The following ARHGAP22 variants were observed in gnomAD, a reference collection of about 807,000 sequenced individuals.
The protein encoded by ARHGAP22 is Rho GTPase activating protein 22.
A neutral mutation model predicts 59.1 loss-of-function variants in ARHGAP22; 48 were observed. That is an observed-to-expected ratio of 0.81 (90% CI 0.64 to 1.03). The LOEUF is 1.03. Ranked by LOEUF, ARHGAP22 falls within the 50% of genes least tolerant of loss-of-function variation. ARHGAP22 has a pLI of 0.00. For synonymous variants in ARHGAP22, 445 were observed against 416.4 expected (o/e 1.07, Z -0.84); for missense variants, 1,015 against 958.7 (o/e 1.06, Z -0.78).
chr10:48,589,212 T>G (rs1340549958), intron 1 of ARHGAP22, among the ~76,000 whole-genome samples: 3 of 152,150 alleles, frequency 2.0e-5, no homozygotes, highest in Non-Finnish European at 4.4e-5. Flanking sequence ...GGTCTCATCC[T>G]CCGATGCCCT....
intron 2 of ARHGAP22, among the ~76,000 whole-genome samples, chr10:48,578,711 T>C (rs1169634837): frequency 5.9e-5 from 9 of 151,760 alleles, no homozygotes; most frequent in Admixed American, 4.6e-4. Context: ...AGAGAAACAA[T>C]GAGTGTTCTT....
chr10:48,633,415 A>G (rs1357868577), intron 1 of ARHGAP22, among the ~76,000 whole-genome samples: 1 of 152,244 alleles, frequency 6.6e-6, no homozygotes, highest in East Asian at 1.9e-4. Flanking sequence ...AACAATTCTC[A>G]GCCAGAGATT....
chr10:48,446,870 C>T (rs947409794), intron 9 of ARHGAP22, among the ~76,000 whole-genome samples: 8 of 152,246 alleles, frequency 5.3e-5, no homozygotes, highest in African/African-American at 4.8e-5. Flanking sequence ...TCCATGCCTT[C>T]GGTGCCTCCC....
intron 3 of ARHGAP22, chr10:48,524,352 CT>C: frequency 6.5e-6 from 1 of 153,682 alleles, no homozygotes; most frequent in Non-Finnish European, 1.4e-5. Context: ...CCACTGCCCG[CT>C]TTTATCTCCG....
intron 2 of ARHGAP22, among the ~76,000 whole-genome samples, chr10:48,576,441 A>G (rs1458897749): frequency 6.6e-6 from 1 of 152,238 alleles, no homozygotes; most frequent in Non-Finnish European, 1.5e-5. Context: ...ACTTTAAAAT[A>G]TGGACTTACA....
intron 1 of ARHGAP22, chr10:48,623,993 T>G (rs1230440107): frequency 1.3e-5 from 2 of 152,282 alleles, no homozygotes; most frequent in African/African-American, 4.8e-5. Flanking sequence ...AATCAGCCTC[T>G]GCAGTCACAC....
intron 3 of ARHGAP22, among the ~76,000 whole-genome samples, chr10:48,535,874 C>G (rs1233086503): frequency 6.6e-6 from 1 of 152,166 alleles, no homozygotes; most frequent in Admixed American, 6.5e-5. Context: ...TGGCAAATGC[C>G]CGACACCCTT....
At chr10:48,460,876 A>G (rs1390591317) in intron 4 of ARHGAP22, among the ~76,000 whole-genome samples, 1 of 152,266 alleles carries the variant, frequency 6.6e-6, no homozygotes, top group Non-Finnish European at 1.5e-5. Context: ...GAAGTAAATC[A>G]TTCACAAAAG....
intron 1 of ARHGAP22, among the ~76,000 whole-genome samples, chr10:48,620,699 G>A (rs764153120): frequency 2.0e-5 from 3 of 152,184 alleles, no homozygotes; most frequent in Non-Finnish European, 4.4e-5. Flanking sequence ...TAGGCTGTGG[G>A]TGGAGAGAGG....
At chr10:48,520,237 T>C (rs1377919036) in intron 3 of ARHGAP22, among the ~76,000 whole-genome samples, 2 of 152,028 alleles carry the variant, frequency 1.3e-5, no homozygotes, top group African/African-American at 2.4e-5. Context: ...TTAGAGGCAA[T>C]CACAGTCATC....
chr10:48,446,483 T>C lies in ARHGAP22; in HGVS notation c.2005A>G (p.Arg669Gly). Residue 669 changes from arginine to glycine, a missense_variant, in exon 10 of 10, where the codon AGG (arginine) becomes GGG (glycine). Coordinates refer to ENST00000249601, the MANE Select transcript of ARHGAP22 (RefSeq NM_021226.4). Reference sequence around the variant, plus strand: ...ATTTCCCTCTGCAACAGCTGGTTCCTCCTCTCCGCATCCTCCCGCGCCCGT... The same window carrying C: ...ATTTCCCTCTGCAACAGCTGGTTCCCCCTCTCCGCATCCTCCCGCGCCCGT... ...SERAREDAER[R>G]NQLLQREMEE... The C allele has an allele frequency of 6.2e-7, 1 of 1,614,236 alleles. No individual in the cohort carries two copies. Among genetic ancestry groups the C allele is most frequent in the Non-Finnish European group, 8.5e-7 (1 of 1,180,042 alleles).
In ARHGAP22 at chr10:48,616,802, T is replaced by C. The variant is rs114688861; in HGVS notation, c.53-33650A>G. Among the ~76,000 whole-genome samples, 1,272 of 152,226 alleles carry C rather than the reference T, an allele frequency of 8.4e-3. 20 individuals carry two copies. The highest frequency in any genetic ancestry group is 0.029 in the African/African-American group (1,212 of 41,574). On this transcript the variant is annotated intron_variant, in intron 1 of 9. Coordinates refer to the ARHGAP22 transcript ENST00000435790. ...AACAAAAATTGAGACAGTTAATTGC[T>C]AGCAGACCTAACCTACAAGATCTAT...
In ARHGAP22 at chr10:48,566,469, T is replaced by C. The variant is rs2058053182; in HGVS notation, c.235-10919A>G. ...CAGATTTAAAAAGGCATTGTGAAAA[T>C]TGGAGATAATTGAGTTCTTGGTAAA... On this transcript the variant is annotated intron_variant, in intron 2 of 9. Transcript: ENST00000249601. 3.3e-5 allele frequency among the ~76,000 whole-genome samples: 5 copies of C among 152,172 alleles called. 1 individual carries two copies. The highest frequency in any genetic ancestry group is 3.3e-4 in the Admixed American group (5 of 15,280).
chr10:48,562,639 G>A (rs539182372), intron 2 of ARHGAP22, among the ~76,000 whole-genome samples: 1 of 152,306 alleles, frequency 6.6e-6, no homozygotes, highest in East Asian at 1.9e-4. Flanking sequence ...GGCAAAGGGA[G>A]TGGGAGGAGG....
rs181441200 is a variant in ARHGAP22, at chr10:48,631,771, A to C, written c.52+20463T>G. 4.6e-5 allele frequency among the ~76,000 whole-genome samples: 7 copies of C among 152,334 alleles called. No homozygotes were observed. The East Asian group carries it at 1.3e-3, about 29-fold the overall frequency. On this transcript the variant is annotated intron_variant, in intron 1 of 9. Transcript: ENST00000435790. ...GGACAAACAGTTACCTGTTAGATCCATTAAGCATGAGAAAAATGAAGACTT... is the reference window on the plus strand; with the variant it reads ...GGACAAACAGTTACCTGTTAGATCCCTTAAGCATGAGAAAAATGAAGACTT...
At chr10:48,620,955 T>C (rs568297643) in intron 1 of ARHGAP22, among the ~76,000 whole-genome samples, 1 of 152,344 alleles carries the variant, frequency 6.6e-6, no homozygotes, top group East Asian at 1.9e-4. Context: ...ACAAACACCA[T>C]GGCCTTCACT....
chr10:48,605,294 C>G (rs2060624783), upstream of ARHGAP22, among the ~76,000 whole-genome samples: 3 of 152,124 alleles, frequency 2.0e-5, no homozygotes, highest in East Asian at 3.9e-4. Flanking sequence ...CTGCCAAGCC[C>G]GGGTGGGATA....
At chr10:48,476,671 T>G (rs2048780602) in intron 4 of ARHGAP22, among the ~76,000 whole-genome samples, 1 of 152,180 alleles carries the variant, frequency 6.6e-6, no homozygotes, top group Admixed American at 6.5e-5. Flanking sequence ...GGTTGTGAGT[T>G]CTTCAGCACA....
rs2048452664 is a variant in ARHGAP22 at position 48,473,836 on chromosome 10, G to A, written c.451+5800C>T. 3.3e-5 allele frequency among the ~76,000 whole-genome samples: 5 copies of A among 152,324 alleles called. No homozygotes were observed. The South Asian group carries it at 8.3e-4, about 25-fold the overall frequency. On this transcript the variant is annotated intron_variant, in intron 4 of 9. Transcript: ENST00000249601. ...CATATAAATTCCAGGCTTTAAGGGG[G>A]CTTGCAGACTCTCTGCAGACAACCA...
Sources: gnomAD v4.1 joint callset for allele counts (sites outside exome capture counted in the v4.1 genomes callset) on GRCh38, gnomAD v4.1.1 for gene constraint, MANE v1.5 for transcripts, NCBI Gene and HGNC (gene_info 2026-07-23, HGNC 2026-07-21) for gene names.